CCDC80: variants seen among roughly 807,000 people sequenced by gnomAD.
CCDC80 encodes coiled-coil domain-containing protein 80.
In CCDC80, 49 loss-of-function variants were observed where a neutral mutation model predicts 78.7. The ratio of observed to expected loss-of-function variants is 0.62; its 90% CI spans 0.50 to 0.79. CCDC80 has a LOEUF of 0.79. Among genes scored for constraint, CCDC80 ranks in the 30% least tolerant of loss-of-function variants. The pLI is 0.00. For synonymous variants in CCDC80, 488 were observed against 447.0 expected (o/e 1.09, Z -1.16); for missense variants, 1,205 against 1,198.6 (o/e 1.01, Z -0.08).
intron 5 of CCDC80, among the ~76,000 whole-genome samples, chr3:112,616,462 A>C (rs1306922400): frequency 5.6e-5 from 8 of 143,024 alleles, no homozygotes; most frequent in Non-Finnish European, 9.3e-5. Flanking sequence ...AAAAAAAAAA[A>C]CAGAGAAAAG....
At chr3:112,624,224 A>G (rs1256766999) in intron 3 of CCDC80, among the ~76,000 whole-genome samples, 1 of 152,236 alleles carries the variant, frequency 6.6e-6, no homozygotes, top group East Asian at 1.9e-4. Flanking sequence ...AAACACATTC[A>G]TATATATTTT....
At position 112,601,147 on chromosome 3, in the gene CCDC80, G is replaced by A. The variant is rs1935366377; in HGVS notation, c.*4270C>T. 6.6e-6 allele frequency: 1 copy of A among 152,166 alleles called. No homozygotes were observed. The allele number at this position is 152,166 out of a possible 1,614,324, so 9.4% of individuals were successfully genotyped here. ...CCTGTAAAACAAGGAAGAATGAATG[G>A]TCTTTATGGAAAATGAATGGCAGAA... is the stretch of plus-strand genomic sequence containing the variant. On this transcript the variant is annotated 3_prime_UTR_variant, in exon 8 of 8. Transcript: ENST00000206423.
In CCDC80 at chr3:112,638,959, C is replaced by A. The variant is rs377035874; in HGVS notation, c.947G>T (p.Arg316Met). ...TCTGGTTGGTGGGACTTGTGCTCTCCTTGGGTCCTCTTTCTTCTTCTCGCT... is the reference window on the plus strand; with the variant it reads ...TCTGGTTGGTGGGACTTGTGCTCTCATTGGGTCCTCTTTCTTCTTCTCGCT... ...LGSEKKKEDP[R>M]RAQVPPTRES... Residue 316 changes from arginine to methionine, a missense_variant, in exon 2 of 8, where the codon AGG becomes ATG. Arg to Met is a moderately conservative substitution (Grantham distance 91, BLOSUM62 -1). Coordinates refer to ENST00000206423, the MANE Select transcript of CCDC80 (RefSeq NM_199511.3). 2.5e-6 allele frequency: 4 copies of A among 1,612,732 alleles called. No individual in the cohort carries two copies. Among genetic ancestry groups the A allele is most frequent in the Non-Finnish European group, 3.4e-6 (4 of 1,180,000 alleles).
At chr3:112,624,041 A>G (rs16845068) in intron 3 of CCDC80, among the ~76,000 whole-genome samples, 5,024 of 152,284 alleles carry the variant, frequency 0.033, 205 homozygotes, top group East Asian at 0.13. Context: ...CCCAGCATTC[A>G]GTAAAGATTT....
rs1935407693 is a variant in CCDC80, at chr3:112,603,310, T to G, written c.*2107A>C. 6.6e-6 allele frequency: 1 copy of G among 151,904 alleles called. No homozygotes were observed. The highest frequency in any genetic ancestry group is 2.4e-5 in the African/African-American group (1 of 41,332). The allele number at this position is 151,904 out of a possible 1,614,324, so 9.4% of individuals were successfully genotyped here. A position where few individuals can be genotyped will look rare whatever the true frequency, so the allele number is the denominator to read the frequency against. On this transcript the variant is annotated 3_prime_UTR_variant, in exon 8 of 8. Coordinates refer to ENST00000206423, the MANE Select transcript of CCDC80 (RefSeq NM_199511.3). ...GGGAGGCCGAGGCCAAAGTCAGTAG[T>G]TCGAGACCACCCTGACTAACATGGT...
chr3:112,639,096 C>G lies in CCDC80; in HGVS notation c.810G>C (p.Glu270Asp). 1 of 1,614,022 alleles carries G rather than the reference C, an allele frequency of 6.2e-7. No individual in the cohort carries two copies. Among genetic ancestry groups the G allele is most frequent in the Non-Finnish European group, 8.5e-7 (1 of 1,180,030 alleles). ...GGACAAAGCCCTTCTGCCTGATCTTCTCGATCCTACGGATGGGGCCTTGGT... is the reference window on the plus strand; with the variant it reads ...GGACAAAGCCCTTCTGCCTGATCTTGTCGATCCTACGGATGGGGCCTTGGT... Reference protein sequence around the residue: ...VIDQGPIRRIEKIRQKGFVQK... With the variant: ...VIDQGPIRRIDKIRQKGFVQK... Residue 270 changes from glutamate (E) to aspartate (D), a missense_variant, in exon 2 of 8, where the codon GAG (glutamate) becomes GAC (aspartate). Physicochemically the swap from Glu to Asp is conservative, Grantham distance 45 (BLOSUM62 2). Coordinates refer to ENST00000206423, the MANE Select transcript of CCDC80 (RefSeq NM_199511.3).
intron 4 of CCDC80, among the ~76,000 whole-genome samples, chr3:112,618,484 G>T (rs751030540): frequency 1.3e-5 from 2 of 151,852 alleles, no homozygotes; most frequent in African/African-American, 4.8e-5. Flanking sequence ...CCGAGATCAC[G>T]CCACTGCACT....
chr3:112,615,756 A>C (rs1935722398), intron 5 of CCDC80, among the ~76,000 whole-genome samples: 1 of 152,160 alleles, frequency 6.6e-6, no homozygotes, highest in African/African-American at 2.4e-5. Context: ...TGGCGATGAG[A>C]GTGACCTCTG....
chr3:112,626,231 C>T (rs1027471355), intron 3 of CCDC80, among the ~76,000 whole-genome samples: 1 of 152,154 alleles, frequency 6.6e-6, no homozygotes, highest in Non-Finnish European at 1.5e-5. Flanking sequence ...TAAGTAAAGA[C>T]TTATCAAAGC....
Position 112,601,434 on chromosome 3 carries a change from G to A in CCDC80, c.*3983C>T, listed in dbSNP as rs564772862. Reference sequence around the variant, plus strand: ...TATTGTTAGAGGATGGTGCCATCATGATGCTAAATGCCTATCTGAGGGGAA... The same window carrying A: ...TATTGTTAGAGGATGGTGCCATCATAATGCTAAATGCCTATCTGAGGGGAA... On this transcript the variant is annotated 3_prime_UTR_variant, in exon 8 of 8. Coordinates refer to ENST00000206423, the MANE Select transcript of CCDC80 (RefSeq NM_199511.3). The A allele has an allele frequency of 1.3e-5, 2 of 152,234 alleles. No homozygotes were observed. Among genetic ancestry groups the A allele is most frequent in the African/African-American group, 2.4e-5 (1 of 41,516 alleles). The allele number at this position is 152,234 out of a possible 1,614,324, so 9.4% of individuals were successfully genotyped here.
At position 112,600,402 on chromosome 3, in the gene CCDC80, T is replaced by A. The variant is rs888375459; in HGVS notation, c.*5015A>T. 7.9e-5 allele frequency: 12 copies of A among 152,176 alleles called. No individual in the cohort carries two copies. Among genetic ancestry groups the A allele is most frequent in the African/African-American group, 2.7e-4 (11 of 41,432 alleles). The allele number at this position is 152,176 out of a possible 1,614,324, so 9.4% of individuals were successfully genotyped here. ...TCTCAGGTTGTAAAAAAGAACTATCTTTTTTTGGTTGCAGGAGCTAGAACC... is the reference window on the plus strand; with the variant it reads ...TCTCAGGTTGTAAAAAAGAACTATCATTTTTTGGTTGCAGGAGCTAGAACC... On this transcript the variant is annotated 3_prime_UTR_variant, in exon 8 of 8. Transcript: ENST00000206423.
rs373216819 is a variant in CCDC80 at position 112,638,480 on chromosome 3, G to C, written c.1426C>G (p.Arg476Gly). ...NRMDRREHGH[R>G]DPNVVPGPPK... ...GGACCTGGCACCACATTTGGGTCTC[G>C]GTGGCCATGTTCCCGCCTGTCCATG... is the stretch of plus-strand genomic sequence containing the variant. Residue 476 changes from arginine to glycine, a missense_variant, in exon 2 of 8, where the codon CGA becomes GGA. By Grantham distance (125) the Arg-to-Gly change is moderately radical. Coordinates refer to ENST00000206423, the MANE Select transcript of CCDC80 (RefSeq NM_199511.3). 4 of 1,613,734 alleles carry C rather than the reference G, an allele frequency of 2.5e-6. No individual in the cohort carries two copies. Among genetic ancestry groups the C allele is most frequent in the Middle Eastern group, 1.6e-4 (1 of 6,062 alleles).
intron 3 of CCDC80, among the ~76,000 whole-genome samples, chr3:112,629,494 G>C (rs987980882): frequency 2.6e-5 from 4 of 152,168 alleles, no homozygotes; most frequent in African/African-American, 4.8e-5. Context: ...GATCTCAGCT[G>C]TCCAACACTG....
At chr3:112,640,083 G>T in intron 1 of CCDC80, 167 bp from the exon 2 acceptor site, 1 of 764,050 alleles carries the variant, frequency 1.3e-6, no homozygotes, top group Non-Finnish European at 1.6e-6. Context: ...AAAATGGGAT[G>T]AGATCCTGTT....
chr3:112,630,032 C>T (rs1359292573), intron 3 of CCDC80, 81 bp downstream of exon 3: 3 of 1,292,608 alleles, frequency 2.3e-6, no homozygotes, highest in Admixed American at 1.9e-5. Flanking sequence ...TCTTTTGGAT[C>T]CCCCATGTAC....
chr3:112,626,626 C>A (rs140785826), intron 3 of CCDC80, among the ~76,000 whole-genome samples: 23 of 152,126 alleles, frequency 1.5e-4, no homozygotes, highest in Non-Finnish European at 2.9e-4. Flanking sequence ...TGGCTCACTG[C>A]AACCTCTGCC....
chr3:112,630,161 A>C lies in CCDC80; in HGVS notation c.1987T>G (p.Phe663Val). ...ATRKISVITI[F>V]GPVNNSTMKI... ...ATGGTGCTGTTGTTGACAGGGCCGA[A>C]GATGGTGATCACAGAGATTTTCCTG... The change falls in exon 3 of 8, where the codon TTC (phenylalanine) becomes GTC (valine). Residue 663 changes from phenylalanine to valine, a missense_variant. Coordinates refer to ENST00000206423, the MANE Select transcript of CCDC80 (RefSeq NM_199511.3). The C allele has an allele frequency of 6.2e-7, 1 of 1,613,978 alleles. No individual in the cohort carries two copies. Among genetic ancestry groups the C allele is most frequent in the South Asian group, 1.1e-5 (1 of 91,078 alleles).
intron 2 of CCDC80, among the ~76,000 whole-genome samples, chr3:112,636,197 C>G (rs1002810048): frequency 6.6e-6 from 1 of 152,102 alleles, no homozygotes; most frequent in African/African-American, 2.4e-5. Flanking sequence ...CTTTCCCATG[C>G]CCCAGAGAGA....
intron 5 of CCDC80, among the ~76,000 whole-genome samples, chr3:112,614,454 T>C (rs1484593700): frequency 6.6e-6 from 1 of 152,122 alleles, no homozygotes; most frequent in Non-Finnish European, 1.5e-5. Context: ...CATAAATCTT[T>C]TCAATTATCG....
Sources: allele counts gnomAD v4.1 joint callset (sites outside exome capture counted in the v4.1 genomes callset), GRCh38; gene constraint gnomAD v4.1.1; transcripts MANE v1.5; gene names NCBI Gene and HGNC (gene_info 2026-07-23, HGNC 2026-07-21).